PDE6D: variants seen among roughly 807,000 people sequenced by gnomAD.
PDE6D encodes retinal rod rhodopsin-sensitive cGMP 3',5'-cyclic phosphodiesterase subunit delta.
In PDE6D, 10 loss-of-function variants were observed where a neutral mutation model predicts 21.9. The ratio of observed to expected loss-of-function variants is 0.46; its 90% confidence interval spans 0.28 to 0.78. The LOEUF (loss-of-function observed/expected upper bound fraction) is 0.78. Ranked by LOEUF, PDE6D falls within the 30% of genes least tolerant of loss-of-function variation. PDE6D has a pLI of 0.12. For missense variants in PDE6D, 139 were observed against 184.8 expected (o/e 0.75, Z 1.44); for synonymous variants, 59 against 63.5 (o/e 0.93, Z 0.34).
At chr2:231,745,227 C>CAA (rs1345230326) in intron 1 of PDE6D, among the ~76,000 whole-genome samples, 4 of 142,730 alleles carry the variant, frequency 2.8e-5, no homozygotes, top group African/African-American at 1.1e-4. Flanking sequence ...AAAACAAAAA[C>CAA]ACACAAAAAA....
Position 231,739,039 on chromosome 2 carries a change from A to G in PDE6D, c.139+61T>C. 1.9e-6 allele frequency: 2 copies of G among 1,049,548 alleles called. No homozygotes were observed. Among genetic ancestry groups the G allele is most frequent in the Non-Finnish European group, 3.0e-6 (2 of 672,300 alleles). 65.0% of individuals were successfully genotyped at this position (1,049,548 alleles called of 1,614,324 possible). A position where few individuals can be genotyped will look rare whatever the true frequency, so the allele number is the denominator to read the frequency against. The stretch of plus-strand genomic sequence containing the variant: ...AGGTATGTGTTAACTTAGCTCTCTT[A>G]TGCTCAGGTGCTAGTCTGGCATTGG... On this transcript the variant is annotated intron_variant, in intron 2 of 4. Coordinates refer to ENST00000287600, the MANE Select transcript of PDE6D (RefSeq NM_002601.4). The surrounding 1 kb of genome is among the most constrained non-coding windows in gnomAD (Gnocchi z 4.2).
chr2:231,745,729 A>T (rs1336031165), intron 1 of PDE6D, among the ~76,000 whole-genome samples: 3 of 152,248 alleles, frequency 2.0e-5, no homozygotes, highest in Non-Finnish European at 2.9e-5. Flanking sequence ...GGAAGTAAAT[A>T]TTCCATAAAT....
intron 1 of PDE6D, among the ~76,000 whole-genome samples, chr2:231,747,515 A>C (rs1339175663): frequency 6.6e-6 from 1 of 152,214 alleles, no homozygotes; most frequent in Non-Finnish European, 1.5e-5. Context: ...ATTATTATCA[A>C]TGACAATTAA....
At chr2:231,767,876 T>C (rs1433223918) in intron 1 of PDE6D, among the ~76,000 whole-genome samples, 4 of 151,384 alleles carry the variant, frequency 2.6e-5, no homozygotes, top group African/African-American at 9.7e-5. Flanking sequence ...TCTTGCTCTG[T>C]GGCCCAGAGT....
rs551612340 is a variant in PDE6D, at chr2:231,744,168, C to T, written c.51-4980G>A. On this transcript the variant is annotated intron_variant, in intron 1 of 4. Coordinates refer to ENST00000287600, the MANE Select transcript of PDE6D (RefSeq NM_002601.4). ...TCCCTGCACAAAGCTGCAGTTGGAG[C>T]AGACTGAACTTCCAGAAAAAGCACT... Among the ~76,000 whole-genome samples, 25 of 152,322 alleles carry T rather than the reference C, an allele frequency of 1.6e-4. 1 individual carries two copies. In the South Asian group the frequency reaches 5.0e-3, roughly 30 times the overall value.
intron 1 of PDE6D, among the ~76,000 whole-genome samples, chr2:231,740,680 CAAAAA>C (rs3074722): frequency 1.8e-5 from 1 of 57,004 alleles, no homozygotes; most frequent in Non-Finnish European, 3.7e-5. Flanking sequence ...GACCCTGTCT[CAAAAA>C]AAAAAAAAAA....
At chr2:231,749,998 A>G (rs1430538642) in intron 1 of PDE6D, among the ~76,000 whole-genome samples, 1 of 152,132 alleles carries the variant, frequency 6.6e-6, no homozygotes, top group East Asian at 1.9e-4. Flanking sequence ...CAAAATCTCA[A>G]CTTGAATTGT....
chr2:231,776,321 C>CAAAAAA (rs1008155828), intron 1 of PDE6D, among the ~76,000 whole-genome samples: 5 of 54,038 alleles, frequency 9.3e-5, no homozygotes, highest in African/African-American at 3.2e-4. Context: ...GACTCCGTCT[C>CAAAAAA]AAAAAAAAAA....
In PDE6D at chr2:231,739,075, G is replaced by A. The variant is rs1280631961; in HGVS notation, c.139+25C>T. 2 of 1,486,982 alleles carry A rather than the reference G, an allele frequency of 1.3e-6. No individual in the cohort carries two copies. The highest frequency in any genetic ancestry group is 2.8e-5 in the African/African-American group (2 of 72,514). 92.1% of individuals were successfully genotyped at this position (1,486,982 alleles called of 1,614,324 possible). On this transcript the variant is annotated intron_variant, in intron 2 of 4. Transcript: ENST00000287600. This position sits in a 1 kb window ranked among gnomAD's most constrained non-coding sequence, Gnocchi z 4.2. Reference sequence around the variant, plus strand: ...CTAGTCTGGCATTGGTCACAGCCCTGTGTAGATAAAGGGTTGGAAAGTACC... The same window carrying A: ...CTAGTCTGGCATTGGTCACAGCCCTATGTAGATAAAGGGTTGGAAAGTACC...
intron 1 of PDE6D, among the ~76,000 whole-genome samples, chr2:231,752,123 A>T (rs2106271687): frequency 6.6e-6 from 1 of 152,348 alleles, no homozygotes; most frequent in South Asian, 2.1e-4. Flanking sequence ...AACACTAAGA[A>T]ATCTGCTTAG....
chr2:231,780,261 C>A (rs1323182303), intron 1 of PDE6D, among the ~76,000 whole-genome samples: 1 of 152,154 alleles, frequency 6.6e-6, no homozygotes, highest in African/African-American at 2.4e-5. Flanking sequence ...GACAGCTCCA[C>A]CACAGCTAGG....
At chr2:231,760,078 T>A (rs1471119686) in intron 1 of PDE6D, among the ~76,000 whole-genome samples, 2 of 152,236 alleles carry the variant, frequency 1.3e-5, no homozygotes, top group Non-Finnish European at 2.9e-5. Flanking sequence ...AAAACCTTCA[T>A]GTAAATTAGC....
chr2:231,738,824 G>A (rs996707357), intron 2 of PDE6D, among the ~76,000 whole-genome samples: 1 of 142,102 alleles, frequency 7.0e-6, no homozygotes, highest in Non-Finnish European at 1.5e-5. Context: ...GCTGAGGCAT[G>A]AAAATCGCTG....
At chr2:231,777,140 T>C (rs890917861) in intron 1 of PDE6D, among the ~76,000 whole-genome samples, 33 of 152,308 alleles carry the variant, frequency 2.2e-4, no homozygotes, top group African/African-American at 7.9e-4. Flanking sequence ...TGGTGCTCTT[T>C]TTGTAGTGAT....
intron 4 of PDE6D, among the ~76,000 whole-genome samples, chr2:231,736,027 C>CAA (rs1214326163): frequency 2.4e-4 from 21 of 87,364 alleles, no homozygotes; most frequent in Admixed American, 3.6e-4. Context: ...GACTCTGTCT[C>CAA]AAAAAAAAAA....
At chr2:231,767,957 T>A (rs533253379) in intron 1 of PDE6D, among the ~76,000 whole-genome samples, 3 of 151,562 alleles carry the variant, frequency 2.0e-5, no homozygotes, top group African/African-American at 7.3e-5. Flanking sequence ...GTGATACTCC[T>A]ACCTCAGCCT....
chr2:231,761,332 C>G (rs772039719), intron 1 of PDE6D, among the ~76,000 whole-genome samples: 1 of 152,074 alleles, frequency 6.6e-6, no homozygotes, highest in Admixed American at 6.6e-5. Context: ...CCTGCCACCA[C>G]GCCCGGCTAA....
intron 1 of PDE6D, among the ~76,000 whole-genome samples, chr2:231,780,390 G>A (rs1200557415): frequency 6.6e-6 from 1 of 152,092 alleles, no homozygotes; most frequent in Non-Finnish European, 1.5e-5. Context: ...GCGCTGAGGG[G>A]GAAGCAGTGA....
chr2:231,732,987 CAAG>C lies in PDE6D; in HGVS notation c.415_417del (p.Leu139del). ...AAAAGTCTCACTCTGGATGTGCTTA[CAAG>C]AAGATCGTCGTCAAAAAACTTTGTT... is the stretch of plus-strand genomic sequence containing the variant. On this transcript the variant is annotated inframe_deletion, in exon 5 of 5. Coordinates refer to ENST00000287600, the MANE Select transcript of PDE6D (RefSeq NM_002601.4). 6.2e-7 allele frequency: 1 copy of C among 1,612,674 alleles called. No homozygotes were observed. Among genetic ancestry groups the C allele is most frequent in the Non-Finnish European group, 8.5e-7 (1 of 1,178,684 alleles).
Sources: allele counts gnomAD v4.1 joint callset (sites outside exome capture counted in the v4.1 genomes callset), GRCh38; gene constraint gnomAD v4.1.1; non-coding constraint Gnocchi (gnomAD v3.1); transcripts MANE v1.5; gene names NCBI Gene and HGNC (gene_info 2026-07-23, HGNC 2026-07-21).